The following XRN2 variants were observed in gnomAD, a reference collection of about 807,000 sequenced individuals.
XRN2 encodes the protein 5'-3' exoribonuclease 2.
A neutral mutation model predicts 138.5 loss-of-function variants in XRN2; 44 were observed. The observed-to-expected ratio is 0.32, with a 90% CI of 0.25 to 0.41. XRN2 has a LOEUF of 0.41. Among genes scored for constraint, XRN2 ranks in the 10% least tolerant of loss-of-function variants. The probability of loss-of-function intolerance (pLI) is 1.00; values close to 1 mark genes in which losing one functional copy is unlikely to be tolerated. For missense variants in XRN2, 937 were observed against 1,169.3 expected (o/e 0.80, Z 2.90); for synonymous variants, 354 against 369.4 (o/e 0.96, Z 0.48).
chr20:21,321,918 C>G (rs996650961), intron 1 of XRN2, among the ~76,000 whole-genome samples: 1 of 152,200 alleles, frequency 6.6e-6, no homozygotes, highest in African/African-American at 2.4e-5. Flanking sequence ...TTTGTATCCT[C>G]TGTAGTACCT....
At chr20:21,357,158 A>T (rs570515651) in intron 23 of XRN2, among the ~76,000 whole-genome samples, 2 of 152,322 alleles carry the variant, frequency 1.3e-5, no homozygotes, top group East Asian at 3.9e-4. Context: ...GTATTTTAAA[A>T]ATTTCTTAGT....
At chr20:21,306,134 G>T (rs2037811689) in intron 1 of XRN2, among the ~76,000 whole-genome samples, 1 of 66,952 alleles carries the variant, frequency 1.5e-5, no homozygotes, top group African/African-American at 4.1e-5. Context: ...AATTCGAGGT[G>T]TTTTTTTTTT....
intron 1 of XRN2, among the ~76,000 whole-genome samples, chr20:21,320,279 G>GTATTTATT (rs1438144106): frequency 0.053 from 4,732 of 88,588 alleles, 129 homozygotes; most frequent in Non-Finnish European, 0.078. Context: ...ATTTATTTAT[G>GTATTTATT]TATTTATTTA....
chr20:21,325,384 T>C (rs1175089428), intron 1 of XRN2, among the ~76,000 whole-genome samples: 1 of 152,222 alleles, frequency 6.6e-6, no homozygotes, highest in Non-Finnish European at 1.5e-5. Context: ...AGGAACTCAA[T>C]GTAGCTGGGG....
chr20:21,341,454 A>G (rs2038371097), intron 15 of XRN2, among the ~76,000 whole-genome samples: 1 of 152,168 alleles, frequency 6.6e-6, no homozygotes. Flanking sequence ...GCATGCATTT[A>G]TTTGCCTTGT....
intron 27 of XRN2, among the ~76,000 whole-genome samples, chr20:21,372,140 A>G (rs1332265550): frequency 1.3e-5 from 2 of 152,242 alleles, no homozygotes; most frequent in Non-Finnish European, 2.9e-5. Context: ...TAGAGCAAGA[A>G]ACAAGTACCC....
chr20:21,363,866 T>C, intron 24 of XRN2, among the ~76,000 whole-genome samples: 1 of 152,220 alleles, frequency 6.6e-6, no homozygotes, highest in Non-Finnish European at 1.5e-5. Context: ...TGATAATCGA[T>C]TGATGAATAT....
chr20:21,341,080 T>G (rs746727459), intron 15 of XRN2, among the ~76,000 whole-genome samples: 5 of 152,206 alleles, frequency 3.3e-5, no homozygotes, highest in Non-Finnish European at 7.3e-5. Context: ...CATGCGAATA[T>G]AAAGAGCTGA....
intron 21 of XRN2, 34 bp from the exon 22 acceptor site, chr20:21,356,046 T>C (rs780673762): frequency 6.5e-7 from 1 of 1,546,248 alleles, no homozygotes; most frequent in Admixed American, 1.9e-5. Context: ...ACAATTTTTT[T>C]ATGTGTAGGT....
chr20:21,332,394 A>T lies in XRN2; in HGVS notation c.812A>T (p.His271Leu). The change falls in exon 9 of 30, where the codon CAT becomes CTT. Residue 271 changes from histidine (H) to leucine (L), a missense_variant. This residue lies in a region of XRN2 where 471 missense variants were observed against 581.2 expected (regional missense o/e 0.81). Transcript: ENST00000377191. The stretch of plus-strand genomic sequence containing the variant: ...TGTGGTCTTTGTAATCAGTTTGGAC[A>T]TGAGGTCAAAGATTGTGAAGGTTTG... The part of the protein sequence containing the change: ...KPCGLCNQFG[H>L]EVKDCEGLPR... 2 of 1,613,590 alleles carry T rather than the reference A, an allele frequency of 1.2e-6. No homozygotes were observed. Among genetic ancestry groups the T allele is most frequent in the Non-Finnish European group, 1.7e-6 (2 of 1,179,696 alleles).
intron 27 of XRN2, among the ~76,000 whole-genome samples, chr20:21,377,193 T>C (rs2038831847): frequency 6.6e-6 from 1 of 151,194 alleles, no homozygotes; most frequent in African/African-American, 2.4e-5. Flanking sequence ...CTGCAGACAA[T>C]GAAGAAAGGA....
chr20:21,350,443 G>A (rs549546200), intron 20 of XRN2, among the ~76,000 whole-genome samples: 4 of 142,260 alleles, frequency 2.8e-5, no homozygotes, highest in East Asian at 4.5e-4. Flanking sequence ...GGAGAATGGC[G>A]TGAACCCGGG....
chr20:21,356,012 C>G (rs1160308266), intron 21 of XRN2, 68 bp from the exon 22 acceptor site: 2 of 1,084,584 alleles, frequency 1.8e-6, no homozygotes, highest in Non-Finnish European at 1.3e-6. Context: ...TTGTTTTATG[C>G]TCATAAAAAT....
rs41279028 is a variant in XRN2, at chr20:21,389,808, G to C, written c.*470G>C. 0.079 allele frequency: 12,028 copies of C among 152,614 alleles called. 592 individuals carry two copies. The highest frequency in any genetic ancestry group is 0.16 in the East Asian group (818 of 5,188). The allele number at this position is 152,614 out of a possible 1,614,324, so 9.5% of individuals were successfully genotyped here. On this transcript the variant is annotated 3_prime_UTR_variant, in exon 30 of 30. Coordinates refer to ENST00000377191, the MANE Select transcript of XRN2 (RefSeq NM_012255.5). Reference sequence around the variant, plus strand: ...CTGAACTTTAGTAAAAAAAAATAAAGTTAAACTTTTAAAACTCTGTTTTGT... The same window carrying C: ...CTGAACTTTAGTAAAAAAAAATAAACTTAAACTTTTAAAACTCTGTTTTGT...
rs2038214124 is a variant in XRN2 at position 21,331,834 on chromosome 20, G to T, written c.700+16G>T. ...GGAGCAGATGGTAAGTTTCTTCTTT[G>T]GGATTTGCTTCTTTTGGATTAAACC... is the stretch of plus-strand genomic sequence containing the variant. On this transcript the variant is annotated intron_variant, in intron 8 of 29. Coordinates refer to ENST00000377191, the MANE Select transcript of XRN2 (RefSeq NM_012255.5). The T allele has an allele frequency of 6.2e-7, 1 of 1,610,838 alleles. No individual in the cohort carries two copies. The highest frequency in any genetic ancestry group is 1.1e-5 in the South Asian group (1 of 90,138).
chr20:21,384,209 TTGAG>T (rs1300269128), intron 28 of XRN2, among the ~76,000 whole-genome samples: 1 of 152,224 alleles, frequency 6.6e-6, no homozygotes, highest in African/African-American at 2.4e-5. Flanking sequence ...CCTTTGTCAC[TTGAG>T]TTTTGCCACA....
At chr20:21,371,515 A>G (rs1437117321) in intron 27 of XRN2, among the ~76,000 whole-genome samples, 2 of 152,250 alleles carry the variant, frequency 1.3e-5, no homozygotes, top group Non-Finnish European at 2.9e-5. Flanking sequence ...AGATTTAGCA[A>G]ATAACATTTC....
At chr20:21,365,733 A>T in intron 26 of XRN2, 29 bp downstream of exon 26, 1 of 1,561,676 alleles carries the variant, frequency 6.4e-7, no homozygotes, top group South Asian at 1.2e-5. Context: ...GCCCTTGTAT[A>T]TTTTGCTTTT....
chr20:21,360,412 T>C (rs1484309188), intron 24 of XRN2, among the ~76,000 whole-genome samples: 1 of 152,124 alleles, frequency 6.6e-6, no homozygotes, highest in African/African-American at 2.4e-5. Context: ...GCATAATTTA[T>C]ACAGTTTTTA....
Sources: gnomAD v4.1 joint callset for allele counts (sites outside exome capture counted in the v4.1 genomes callset) on GRCh38, gnomAD v4.1.1 for gene constraint, gnomAD v4.1.1 regional missense constraint, MANE v1.5 for transcripts, NCBI Gene and HGNC (gene_info 2026-07-23, HGNC 2026-07-21) for gene names.